The following TOPAZ1 variants were observed in gnomAD, a reference collection of about 807,000 sequenced individuals.
TOPAZ1 encodes protein TOPAZ1.
TOPAZ1 carries 66 observed loss-of-function variants against 172.2 expected under a neutral mutation model. The observed-to-expected ratio is 0.38, with a 90% CI of 0.31 to 0.47. TOPAZ1 has a LOEUF of 0.47. TOPAZ1 is among the 20% of genes least tolerant of loss of function. TOPAZ1 has a pLI of 0.99. For synonymous variants in TOPAZ1, 681 were observed against 683.9 expected, an observed-to-expected ratio of 1.00 and a Z score of 0.07; for missense variants, 1,822 against 1,972.4, an observed-to-expected ratio of 0.92 and a Z score of 1.44.
intron 8 of TOPAZ1, among the ~76,000 whole-genome samples, chr3:44,273,569 A>G (rs1699920635): frequency 6.6e-6 from 1 of 152,192 alleles, no homozygotes; most frequent in African/African-American, 2.4e-5. Context: ...GCATTCATCA[A>G]CTTACAATCA....
intron 5 of TOPAZ1, among the ~76,000 whole-genome samples, chr3:44,262,884 A>G (rs1226569330): frequency 6.6e-6 from 1 of 152,202 alleles, no homozygotes; most frequent in African/African-American, 2.4e-5. Flanking sequence ...CACATTTGGA[A>G]TTGGAGGACA....
intron 19 of TOPAZ1, among the ~76,000 whole-genome samples, chr3:44,331,565 G>A (rs561358132): frequency 8.5e-5 from 13 of 152,192 alleles, no homozygotes; most frequent in African/African-American, 2.6e-4. Context: ...GGCCTCAAGC[G>A]ATCCCCCCAA....
intron 7 of TOPAZ1, among the ~76,000 whole-genome samples, chr3:44,269,945 TC>T (rs1385489216): frequency 1.3e-5 from 2 of 152,106 alleles, no homozygotes; most frequent in African/African-American, 4.8e-5. Flanking sequence ...TTTAAGCAGT[TC>T]CAGATATTAT....
chr3:44,250,709 G>A (rs374643099), intron 2 of TOPAZ1, among the ~76,000 whole-genome samples: 12 of 152,162 alleles, frequency 7.9e-5, no homozygotes, highest in South Asian at 2.1e-4. Context: ...GCAAACTACC[G>A]CAGAACATTA....
intron 18 of TOPAZ1, among the ~76,000 whole-genome samples, chr3:44,325,803 G>A (rs776905569): frequency 7.2e-5 from 11 of 152,014 alleles, no homozygotes; most frequent in East Asian, 1.9e-4. Context: ...ATCACCATGC[G>A]CAGCTAATTT....
intron 6 of TOPAZ1, 52 bp from the exon 7 acceptor site, chr3:44,269,164 G>T: frequency 1.0e-6 from 1 of 988,312 alleles, no homozygotes; most frequent in Non-Finnish European, 1.6e-6. Flanking sequence ...TTGTTATGAA[G>T]AAAATAAGTT....
chr3:44,295,137 T>C (rs1035605801), intron 12 of TOPAZ1, among the ~76,000 whole-genome samples: 2 of 152,204 alleles, frequency 1.3e-5, no homozygotes, highest in Non-Finnish European at 2.9e-5. Context: ...TATCTCTCTT[T>C]GTAGATATAT....
chr3:44,267,969 C>G (rs1279951645), intron 6 of TOPAZ1, among the ~76,000 whole-genome samples: 1 of 152,178 alleles, frequency 6.6e-6, no homozygotes, highest in Non-Finnish European at 1.5e-5. Context: ...GCAGCAAAAA[C>G]TTCAGCTTGT....
At position 44,328,415 on chromosome 3, in the gene TOPAZ1, T is replaced by C. The variant is rs1700626831; in HGVS notation, c.4841T>C (p.Leu1614Pro). 3 of 1,510,102 alleles carry C rather than the reference T, an allele frequency of 2.0e-6. No homozygotes were observed. Among genetic ancestry groups the C allele is most frequent in the Middle Eastern group, 1.7e-4 (1 of 5,900 alleles). The allele number at this position is 1,510,102 out of a possible 1,614,324, so 93.5% of individuals were successfully genotyped here. Residue 1614 changes from leucine (L) to proline (P), a missense_variant, in exon 19 of 20, where the codon CTG (leucine) becomes CCG (proline). Leu to Pro is a moderately conservative substitution (Grantham distance 98). Transcript: ENST00000309765. ...AGTCCTGGAACTTCTACACAGATAC[T>C]GCAGATAGTTTTGAAAAGGTTGGTT... ...IQSPGTSTQI[L>P]QIVLKRCEDN...
intron 16 of TOPAZ1, among the ~76,000 whole-genome samples, chr3:44,316,105 G>T (rs1372378713): frequency 6.6e-6 from 1 of 151,764 alleles, no homozygotes; most frequent in Admixed American, 6.6e-5. Context: ...AATTAGCCAG[G>T]CATGGTAGCA....
At chr3:44,252,500 TG>T (rs1401005005) in intron 2 of TOPAZ1, among the ~76,000 whole-genome samples, 1 of 152,240 alleles carries the variant, frequency 6.6e-6, no homozygotes, top group African/African-American at 2.4e-5. Flanking sequence ...GGCTCTTTAG[TG>T]GATCTGTATC....
At chr3:44,263,394 T>C (rs1482645421) in intron 5 of TOPAZ1, among the ~76,000 whole-genome samples, 2 of 152,212 alleles carry the variant, frequency 1.3e-5, no homozygotes, top group Non-Finnish European at 2.9e-5. Context: ...CCAGTTGACA[T>C]TGATCGGTTA....
Position 44,243,420 on chromosome 3 carries a change from C to G in TOPAZ1, c.914C>G (p.Thr305Ser), listed in dbSNP as rs1330804380. 6.4e-7 allele frequency: 1 copy of G among 1,551,452 alleles called. No homozygotes were observed. Among genetic ancestry groups the G allele is most frequent in the Non-Finnish European group, 8.7e-7 (1 of 1,146,888 alleles). ...PEESDLYQSKTNGLLSCLQHE... is the reference protein window; with the variant it reads ...PEESDLYQSKSNGLLSCLQHE... ...GAGAGTGATTTATACCAAAGTAAAA[C>G]CAATGGCTTGCTTTCCTGCCTTCAA... Residue 305 changes from threonine (T) to serine (S), a missense_variant, in exon 2 of 20, where the codon ACC (threonine) becomes AGC (serine). Physicochemically the swap from Thr to Ser is moderately conservative, Grantham distance 58. Coordinates refer to ENST00000309765, the MANE Select transcript of TOPAZ1 (RefSeq NM_001145030.2).
chr3:44,270,955 T>A lies in TOPAZ1; in HGVS notation c.3372+145T>A, dbSNP rs11130024. 0.3 allele frequency: 203,855 copies of A among 669,008 alleles called. 35,522 individuals are homozygous for A. The highest frequency in any genetic ancestry group is 0.46 in the African/African-American group (24,850 of 53,740). The allele number at this position is 669,008 out of a possible 1,614,324, so 41.4% of individuals were successfully genotyped here. A position where few individuals can be genotyped will look rare whatever the true frequency, so the allele number is the denominator to read the frequency against. On this transcript the variant is annotated intron_variant, in intron 8 of 19. Transcript: ENST00000309765. Reference sequence around the variant, plus strand: ...CTTTATATAAATGGAATCATATGTGTATTCTTTAGTCTGTCTTCTTTTGCT... The same window carrying A: ...CTTTATATAAATGGAATCATATGTGAATTCTTTAGTCTGTCTTCTTTTGCT...
intron 16 of TOPAZ1, among the ~76,000 whole-genome samples, chr3:44,314,787 C>T (rs928368515): frequency 1.3e-5 from 2 of 152,140 alleles, no homozygotes; most frequent in Non-Finnish European, 2.9e-5. Context: ...GACCCACCCC[C>T]AGATTTTCTG....
chr3:44,309,099 A>G (rs1158547073), intron 15 of TOPAZ1, among the ~76,000 whole-genome samples: 2 of 152,244 alleles, frequency 1.3e-5, no homozygotes, highest in Non-Finnish European at 2.9e-5. Flanking sequence ...GCAAAGCCTA[A>G]GCTACTTACT....
At chr3:44,310,403 G>A (rs1700385494) in intron 16 of TOPAZ1, among the ~76,000 whole-genome samples, 1 of 152,120 alleles carries the variant, frequency 6.6e-6, no homozygotes, top group East Asian at 1.9e-4. Context: ...GGAGGCTGAG[G>A]CAGGAGAATC....
rs577700799 is a variant in TOPAZ1, at chr3:44,267,039, A to G, written c.3063A>G (p.Gln1021=). ...CAGACTTTATGGTCGGCGAATGTCAATTTGCAGTACCAGTCCCGAAACCTC... is the reference window on the plus strand; with the variant it reads ...CAGACTTTATGGTCGGCGAATGTCAGTTTGCAGTACCAGTCCCGAAACCTC... The part of the protein sequence containing the change: ...RNADFMVGEC[Q]FAVPVPKPLC... Residue 1021 remains glutamine, a synonymous_variant, in exon 6 of 20, where the codon CAA becomes CAG. Transcript: ENST00000309765. 11 of 1,548,016 alleles carry G rather than the reference A, an allele frequency of 7.1e-6. No homozygotes were observed. Among genetic ancestry groups the G allele is most frequent in the African/African-American group, 1.4e-5 (1 of 73,042 alleles).
chr3:44,328,490 A>T, intron 19 of TOPAZ1, 57 bp downstream of exon 19: 1 of 941,024 alleles, frequency 1.1e-6, no homozygotes. Context: ...CCCCACACCC[A>T]CCCTAAGATG....
Sources: allele counts gnomAD v4.1 joint callset (sites outside exome capture counted in the v4.1 genomes callset), GRCh38; gene constraint gnomAD v4.1.1; transcripts MANE v1.5; gene names NCBI Gene and HGNC (gene_info 2026-07-23, HGNC 2026-07-21).